The following USP42 variants were observed in gnomAD, a reference collection of about 807,000 sequenced individuals.
The protein encoded by USP42 is ubiquitin carboxyl-terminal hydrolase 42.
Under a neutral mutation model 113.0 loss-of-function variants are expected in USP42, and 23 were observed. The ratio of observed to expected loss-of-function variants is 0.20; its 90% CI spans 0.15 to 0.29. USP42 has a LOEUF of 0.29. Ranked by LOEUF, USP42 falls within the 10% of genes least tolerant of loss-of-function variation. The pLI is 1.00. For missense variants in USP42, 2,174 were observed against 1,779.8 expected (o/e 1.22, Z -3.99); for synonymous variants, 933 against 699.0 (o/e 1.33, Z -5.28).
chr7:6,104,134 G>A (rs1177802285), upstream of USP42, among the ~76,000 whole-genome samples: 2 of 151,390 alleles, frequency 1.3e-5, no homozygotes, highest in Admixed American at 1.3e-4. Context: ...GAGGGCTGCA[G>A]TGCAGAGGCG....
intron 7 of USP42, 148 bp downstream of exon 7, chr7:6,141,132 C>T: frequency 1.4e-5 from 6 of 427,834 alleles, no homozygotes; most frequent in South Asian, 5.4e-5. Flanking sequence ...ATTATTCAAG[C>T]TTTGTAGTAA....
chr7:6,128,541 G>A (rs1274124134), intron 3 of USP42, among the ~76,000 whole-genome samples: 3 of 152,120 alleles, frequency 2.0e-5, no homozygotes, highest in Non-Finnish European at 4.4e-5. Flanking sequence ...TGTAAACAGC[G>A]TATCGTTGGG....
chr7:6,151,258 C>T (rs1782031774), intron 14 of USP42, among the ~76,000 whole-genome samples: 2 of 152,190 alleles, frequency 1.3e-5, no homozygotes, highest in African/African-American at 4.8e-5. Flanking sequence ...ACTCTGGAAA[C>T]ACTGCACACT....
chr7:6,089,445 AT>A, the USP42 span, among the ~76,000 whole-genome samples: 2 of 150,622 alleles, frequency 1.3e-5, no homozygotes, highest in Non-Finnish European at 2.9e-5. Context: ...AATACAGAAA[AT>A]TTTAAAAACG....
rs370775972 is a variant in USP42 at position 6,145,504 on chromosome 7, A to G, written c.991-12A>G. On this transcript the variant is annotated splice_polypyrimidine_tract_variant and intron_variant, in intron 9 of 17. Coordinates refer to ENST00000306177, the MANE Select transcript of USP42 (RefSeq NM_032172.3). ...CCTCGGAAATGTTTCTCCTGTTTCC[A>G]TTTCCTTCTAGGATGTGAAATACCC... 8.1e-6 allele frequency: 13 copies of G among 1,613,792 alleles called. No individual in the cohort carries two copies. The highest frequency in any genetic ancestry group is 1.3e-5 in the African/African-American group (1 of 75,008).
intron 14 of USP42, among the ~76,000 whole-genome samples, chr7:6,150,962 C>T (rs1782012855): frequency 1.3e-5 from 2 of 152,242 alleles, no homozygotes; most frequent in African/African-American, 2.4e-5. Flanking sequence ...GTCATGCCAG[C>T]ACCACAGTGT....
Position 6,158,775 on chromosome 7 carries a change from G to A in USP42, c.3944-675G>A, listed in dbSNP as rs1782607530. 6.6e-6 allele frequency among the ~76,000 whole-genome samples: 1 copy of A among 152,222 alleles called. No homozygotes were observed. Among genetic ancestry groups the A allele is most frequent in the Non-Finnish European group, 1.5e-5 (1 of 68,046 alleles). On this transcript the variant is annotated intron_variant, in intron 16 of 17. Transcript: ENST00000306177. This position sits in a 1 kb window ranked among gnomAD's most constrained non-coding sequence, Gnocchi z 4.2. The stretch of plus-strand genomic sequence containing the variant: ...GCTGCTTGGTACCCGAGGATCCGAG[G>A]ATGCAGTGGATGGGCTCATTCTGAG...
At chr7:6,087,633 G>T in the USP42 span, among the ~76,000 whole-genome samples, 2 of 150,996 alleles carry the variant, frequency 1.3e-5, no homozygotes, top group Non-Finnish European at 2.9e-5. Flanking sequence ...TCCCTGCCCC[G>T]CCTCACACTT....
At chr7:6,103,588 G>C (rs748175107), upstream of USP42, among the ~76,000 whole-genome samples, 10 of 150,378 alleles carry the variant, frequency 6.6e-5, no homozygotes, top group Non-Finnish European at 1.3e-4. Context: ...TGGCGCACCG[G>C]TGGGGTCAGG....
intron 3 of USP42, among the ~76,000 whole-genome samples, chr7:6,124,091 G>T (rs183710730): frequency 1.3e-5 from 2 of 152,140 alleles, no homozygotes; most frequent in African/African-American, 4.8e-5. Flanking sequence ...GGCCAGGCTG[G>T]TCTTGAAATC....
upstream of USP42, among the ~76,000 whole-genome samples, chr7:6,101,268 T>A (rs1015862030): frequency 4.0e-5 from 6 of 150,970 alleles, no homozygotes; most frequent in Admixed American, 3.3e-4. Flanking sequence ...GCATTAACAG[T>A]GCCCACTGCA....
chr7:6,087,073 C>G, the USP42 span, among the ~76,000 whole-genome samples: 1 of 148,376 alleles, frequency 6.7e-6, no homozygotes, highest in African/African-American at 2.6e-5. Flanking sequence ...ACTCTGTCAC[C>G]CAGGCTGGAG....
intron 7 of USP42, among the ~76,000 whole-genome samples, chr7:6,141,340 C>CT (rs1781421034): frequency 6.6e-6 from 1 of 150,916 alleles, no homozygotes; most frequent in South Asian, 2.1e-4. Flanking sequence ...GTAGGTGGGA[C>CT]TATAGGTGCA....
At chr7:6,118,883 C>G (rs1780057914) in intron 3 of USP42, among the ~76,000 whole-genome samples, 1 of 152,042 alleles carries the variant, frequency 6.6e-6, no homozygotes, top group African/African-American at 2.4e-5. Flanking sequence ...ACTTGTTTGT[C>G]TTGACACCGT....
chr7:6,119,595 G>T (rs990916912), intron 3 of USP42, among the ~76,000 whole-genome samples: 1 of 152,214 alleles, frequency 6.6e-6, no homozygotes, highest in Non-Finnish European at 1.5e-5. Context: ...TTGGGACTGT[G>T]CTGAATATTT....
At chr7:6,116,242 CTT>C (rs1195826338) in intron 3 of USP42, among the ~76,000 whole-genome samples, 1 of 151,938 alleles carries the variant, frequency 6.6e-6, no homozygotes, top group Non-Finnish European at 1.5e-5. Context: ...GAGGGACTCT[CTT>C]GTCACTGCCC....
At chr7:6,135,992 C>A in intron 4 of USP42, 41 bp downstream of exon 4, 3 of 1,131,104 alleles carry the variant, frequency 2.7e-6, no homozygotes, top group Non-Finnish European at 3.7e-6. Flanking sequence ...GTATTTATTA[C>A]CTAGTTATAC....
intron 3 of USP42, chr7:6,116,859 G>A (rs745386267): frequency 2.1e-5 from 11 of 532,816 alleles, no homozygotes; most frequent in African/African-American, 1.3e-4. Flanking sequence ...GTAGGGTGTG[G>A]ATGAAAACCC....
At chr7:6,160,093 G>T (rs1268551032) in intron 17 of USP42, among the ~76,000 whole-genome samples, 2 of 152,206 alleles carry the variant, frequency 1.3e-5, no homozygotes, top group Non-Finnish European at 2.9e-5. Flanking sequence ...CCTGACCCTT[G>T]TGGAGCTAGA....
Sources: allele counts gnomAD v4.1 joint callset (sites outside exome capture counted in the v4.1 genomes callset), GRCh38; gene constraint gnomAD v4.1.1; non-coding constraint Gnocchi (gnomAD v3.1); transcripts MANE v1.5; gene names NCBI Gene and HGNC (gene_info 2026-07-23, HGNC 2026-07-21).